Variants in FSTL4 observed in about 807,000 individuals in gnomAD.
FSTL4 encodes follistatin like 4.
In FSTL4, 28 loss-of-function variants were observed where a neutral mutation model predicts 78.2. That is an observed-to-expected ratio of 0.36 (90% CI 0.27 to 0.49). FSTL4 has a LOEUF of 0.49. Ranked by LOEUF, FSTL4 falls within the 20% of genes least tolerant of loss-of-function variation. FSTL4 has a pLI of 0.98. For synonymous variants in FSTL4, 422 were observed against 440.5 expected (o/e 0.96, Z 0.53); for missense variants, 922 against 1,084.9 (o/e 0.85, Z 2.11).
chr5:133,780,324 G>T, the FSTL4 span, among the ~76,000 whole-genome samples: 1 of 152,124 alleles, frequency 6.6e-6, no homozygotes, highest in South Asian at 2.1e-4. Flanking sequence ...CCATCTCCTT[G>T]CATGACTCAT....
At chr5:133,825,037 G>A in the FSTL4 span, among the ~76,000 whole-genome samples, 15 of 152,152 alleles carry the variant, frequency 9.9e-5, no homozygotes, top group African/African-American at 3.4e-4. Context: ...GCAAGAGTCC[G>A]TGGTGGCAGA....
chr5:133,230,611 G>C (rs528395541), intron 8 of FSTL4, among the ~76,000 whole-genome samples: 1 of 152,186 alleles, frequency 6.6e-6, no homozygotes, highest in African/African-American at 2.4e-5. Flanking sequence ...ACTCCTCACT[G>C]GCCTCCAGCC....
intron 3 of FSTL4, among the ~76,000 whole-genome samples, chr5:133,405,689 C>A (rs1011584190): frequency 1.3e-5 from 2 of 152,220 alleles, no homozygotes; most frequent in Admixed American, 6.5e-5. Context: ...TACCCTCACA[C>A]GTGGCAAGGT....
At chr5:133,556,951 T>C (rs1172209002) in intron 3 of FSTL4, among the ~76,000 whole-genome samples, 1 of 152,210 alleles carries the variant, frequency 6.6e-6, no homozygotes, top group Non-Finnish European at 1.5e-5. Flanking sequence ...TCATTTGCTT[T>C]TCATCCTTAT....
chr5:133,218,247 C>T (rs6889268), intron 12 of FSTL4, among the ~76,000 whole-genome samples: 4,505 of 152,246 alleles, frequency 0.03, 231 homozygotes, highest in African/African-American at 0.1. Flanking sequence ...CATCCAATGT[C>T]TCACAAGTCA....
chr5:133,462,246 C>T (rs1757607931), intron 3 of FSTL4, among the ~76,000 whole-genome samples: 1 of 152,216 alleles, frequency 6.6e-6, no homozygotes, highest in African/African-American at 2.4e-5. Context: ...GAAAGCTGGC[C>T]AGGTGCTCAC....
At chr5:133,756,598 AC>A in the FSTL4 span, among the ~76,000 whole-genome samples, 1 of 151,862 alleles carries the variant, frequency 6.6e-6, no homozygotes, top group Non-Finnish European at 1.5e-5. Context: ...GCTTCTGCAT[AC>A]CCCACCTTGG....
intron 3 of FSTL4, among the ~76,000 whole-genome samples, chr5:133,422,975 G>A (rs1756732359): frequency 6.6e-6 from 1 of 151,842 alleles, no homozygotes; most frequent in Non-Finnish European, 1.5e-5. Flanking sequence ...TGATGAATGA[G>A]GCTTTCTGTC....
chr5:133,660,414 A>C, the FSTL4 span, among the ~76,000 whole-genome samples: 1 of 152,216 alleles, frequency 6.6e-6, no homozygotes, highest in Non-Finnish European at 1.5e-5. Context: ...GATTGGAAGG[A>C]CATAACTTCT....
At chr5:133,639,071 G>A in the FSTL4 span, among the ~76,000 whole-genome samples, 4 of 151,876 alleles carry the variant, frequency 2.6e-5, no homozygotes, top group Admixed American at 1.3e-4. Context: ...TTATCAACTC[G>A]TCATCTAGGT....
At chr5:133,272,344 T>C (rs985872980) in intron 6 of FSTL4, among the ~76,000 whole-genome samples, 1 of 152,258 alleles carries the variant, frequency 6.6e-6, no homozygotes, top group African/African-American at 2.4e-5. Flanking sequence ...ATTGTTTGTC[T>C]GTGGAAAAAG....
At chr5:133,517,121 G>A (rs150561163) in intron 3 of FSTL4, among the ~76,000 whole-genome samples, 45 of 150,808 alleles carry the variant, frequency 3.0e-4, no homozygotes, top group Non-Finnish European at 5.6e-4. Context: ...ACTCTCAACC[G>A]ACTAAAAAAT....
chr5:133,601,250 G>A (rs1175687861), intron 2 of FSTL4, among the ~76,000 whole-genome samples: 2 of 152,162 alleles, frequency 1.3e-5, no homozygotes, highest in East Asian at 1.9e-4. Context: ...CATAAATATC[G>A]ATTGGCTTAA....
chr5:133,800,894 T>G, the FSTL4 span, among the ~76,000 whole-genome samples: 1 of 151,256 alleles, frequency 6.6e-6, no homozygotes, highest in South Asian at 2.1e-4. Context: ...TCTCTATTCC[T>G]GAGGGACTGC....
At chr5:133,372,672 G>A (rs1443702588) in intron 4 of FSTL4, among the ~76,000 whole-genome samples, 1 of 152,210 alleles carries the variant, frequency 6.6e-6, no homozygotes, top group Non-Finnish European at 1.5e-5. Context: ...ACTTATGGGG[G>A]AATGGATCCA....
chr5:133,384,574 T>A (rs1425937796), intron 4 of FSTL4, among the ~76,000 whole-genome samples: 1 of 152,156 alleles, frequency 6.6e-6, no homozygotes, highest in Non-Finnish European at 1.5e-5. Context: ...CTGACTGTAT[T>A]TTTCCTAAGT....
chr5:133,245,878 G>C (rs907756426), intron 7 of FSTL4, among the ~76,000 whole-genome samples: 1 of 152,296 alleles, frequency 6.6e-6, no homozygotes, highest in South Asian at 2.1e-4. Context: ...CTTGATGTTT[G>C]CAAGTCAGAA....
intron 3 of FSTL4, among the ~76,000 whole-genome samples, chr5:133,401,928 C>G (rs1191378033): frequency 6.6e-6 from 1 of 152,030 alleles, no homozygotes; most frequent in African/African-American, 2.4e-5. Context: ...TTTAGGTACA[C>G]TACTGTAGGC....
chr5:133,734,393 A>G, the FSTL4 span, among the ~76,000 whole-genome samples: 1 of 152,212 alleles, frequency 6.6e-6, no homozygotes, highest in Admixed American at 6.5e-5. Context: ...ACATTTTTAC[A>G]TATGTGTACA....
Sources: gnomAD v4.1 joint callset for allele counts (sites outside exome capture counted in the v4.1 genomes callset) on GRCh38, gnomAD v4.1.1 for gene constraint, MANE v1.5 for transcripts, NCBI Gene and HGNC (gene_info 2026-07-23, HGNC 2026-07-21) for gene names.